Variants in LTK observed in about 807,000 individuals in gnomAD.
The protein encoded by LTK is leukocyte tyrosine kinase receptor.
A neutral mutation model predicts 101.5 loss-of-function variants in LTK; 117 were observed. That is an observed-to-expected ratio of 1.15 (90% CI 0.99 to 1.34). LTK has a LOEUF of 1.34. LTK is among the 40% of genes most tolerant of loss of function. The probability of loss-of-function intolerance (pLI) is 0.00; values close to 1 mark genes in which losing one functional copy is unlikely to be tolerated. For synonymous variants in LTK, 563 were observed against 494.2 expected, an observed-to-expected ratio of 1.14 and a Z score of -1.85; for missense variants, 1,252 against 1,164.7, an observed-to-expected ratio of 1.07 and a Z score of -1.09.
rs548186466 is a variant in LTK, at chr15:41,507,448, G to A, written c.1345+114C>T. On this transcript the variant is annotated intron_variant, in intron 10 of 19. Coordinates refer to ENST00000263800, the MANE Select transcript of LTK (RefSeq NM_002344.6). ...TTAGAATCCCAGAGGAGTCTACCACGGCTCTGCTGCGGTGAGTGGTCTTGA... is the reference window on the plus strand; with the variant it reads ...TTAGAATCCCAGAGGAGTCTACCACAGCTCTGCTGCGGTGAGTGGTCTTGA... 127 of 1,548,288 alleles carry A rather than the reference G, an allele frequency of 8.2e-5. No individual in the cohort carries two copies. In the African/African-American group the frequency reaches 1.4e-3, roughly 17 times the overall value.
intron 10 of LTK, 39 bp from the exon 11 acceptor site, chr15:41,507,329 C>G: frequency 6.5e-7 from 1 of 1,547,906 alleles, no homozygotes; most frequent in Non-Finnish European, 8.7e-7. Context: ...CTCCACCTGC[C>G]CATCAACTCT....
chr15:41,511,888 C>G lies in LTK; in HGVS notation c.586G>C (p.Glu196Gln). 6.8e-7 allele frequency: 1 copy of G among 1,461,392 alleles called. No homozygotes were observed. The highest frequency in any genetic ancestry group is 9.0e-7 in the Non-Finnish European group (1 of 1,116,636). 90.5% of individuals were successfully genotyped at this position (1,461,392 alleles called of 1,614,324 possible). A position where few individuals can be genotyped will look rare whatever the true frequency, so the allele number is the denominator to read the frequency against. ...VEEHAAMDGSEGVPGSRRWAG... is the reference protein window; with the variant it reads ...VEEHAAMDGSQGVPGSRRWAG... ...CAGCGCCGCGACCCCGGGACCCCTT[C>G]GCTCCCATCCATCGCCGCGTGCTCT... The change falls in exon 5 of 20, where the codon GAA becomes CAA. Residue 196 changes from glutamate (E) to glutamine (Q), a missense_variant. By Grantham distance (29) the Glu-to-Gln change is conservative (BLOSUM62 2). Coordinates refer to ENST00000263800, the MANE Select transcript of LTK (RefSeq NM_002344.6). The surrounding 1 kb of genome is among the most constrained non-coding windows in gnomAD (Gnocchi z 5.9).
In LTK at chr15:41,511,443, C is replaced by A; in HGVS notation, c.793G>T (p.Gly265Cys). 1 of 1,407,456 alleles carries A rather than the reference C, an allele frequency of 7.1e-7. No individual in the cohort carries two copies. The highest frequency in any genetic ancestry group is 1.6e-5 in the South Asian group (1 of 63,898). The allele number at this position is 1,407,456 out of a possible 1,614,324, so 87.2% of individuals were successfully genotyped here. A position where few individuals can be genotyped will look rare whatever the true frequency, so the allele number is the denominator to read the frequency against. Residue 265 changes from glycine (G) to cysteine (C), a missense_variant, in exon 6 of 20, where the codon GGC (glycine) becomes TGC (cysteine). By Grantham distance (159) the Gly-to-Cys change is radical. Transcript: ENST00000263800. This position sits in a 1 kb window ranked among gnomAD's most constrained non-coding sequence, Gnocchi z 5.9. The part of the protein sequence containing the change: ...LENRSEAPGS[G>C]GRGGAAGGGG... Reference sequence around the variant, plus strand: ...TCACCTGCCGCCCCGCCTCTCCCGCCGCTCCCGGGCGCCTCCGAGCGGTTC... The same window carrying A: ...TCACCTGCCGCCCCGCCTCTCCCGCAGCTCCCGGGCGCCTCCGAGCGGTTC...
rs774104261 is a variant in LTK at position 41,507,221 on chromosome 15, A to C, written c.1415T>G (p.Leu472Arg). ...GGCTGTCCTGATGGCAGAGGTTCGA[A>C]GCTTGCTCAGCTCAAGCTCAGGGCT... Reference protein sequence around the residue: ...LPSPELELSKLRTSAIRTAPN... With the variant: ...LPSPELELSKRRTSAIRTAPN... Residue 472 changes from leucine to arginine, a missense_variant, in exon 11 of 20, where the codon CTT (leucine) becomes CGT (arginine). By Grantham distance (102) the Leu-to-Arg change is moderately radical. Coordinates refer to ENST00000263800, the MANE Select transcript of LTK (RefSeq NM_002344.6). The C allele has an allele frequency of 1.2e-6, 2 of 1,613,356 alleles. No homozygotes were observed. Among genetic ancestry groups the C allele is most frequent in the Non-Finnish European group, 1.7e-6 (2 of 1,179,822 alleles).
At chr15:41,505,610 C>T (rs1208727869) in intron 13 of LTK, 80 bp from the exon 14 acceptor site, 26 of 1,605,368 alleles carry the variant, frequency 1.6e-5, no homozygotes, top group Non-Finnish European at 2.1e-5. Context: ...CTGGAGAGGC[C>T]CTCTGTGTCC....
Position 41,504,635 on chromosome 15 carries a change from A to G in LTK, c.2126T>C (p.Phe709Ser), listed in dbSNP as rs148593397. The G allele has an allele frequency of 2.5e-6, 4 of 1,612,698 alleles. No homozygotes were observed. Among genetic ancestry groups the G allele is most frequent in the South Asian group, 2.2e-5 (2 of 91,026 alleles). ...GAAGATCTCCCAGAGCAGCACCCCAAAAGACCTGCATCACAAGTGGGGGAA... is the reference window on the plus strand; with the variant it reads ...GAAGATCTCCCAGAGCAGCACCCCAGAAGACCTGCATCACAAGTGGGGGAA... Reference protein sequence around the residue: ...IFTSKTDSWSFGVLLWEIFSL... With the variant: ...IFTSKTDSWSSGVLLWEIFSL... The change falls in exon 18 of 20, where the codon TTT (phenylalanine) becomes TCT (serine). Residue 709 changes from phenylalanine (F) to serine (S), a missense_variant. Transcript: ENST00000263800.
At chr15:41,512,320 G>T in intron 3 of LTK, 55 bp from the exon 4 acceptor site, 1 of 1,567,134 alleles carries the variant, frequency 6.4e-7, no homozygotes, top group Non-Finnish European at 8.6e-7. Context: ...CGGCCGCTCC[G>T]GGCAGAAGTT....
chr15:41,505,522 C>G lies in LTK; in HGVS notation c.1706G>C (p.Arg569Pro). The G allele has an allele frequency of 1.2e-6, 2 of 1,613,798 alleles. No homozygotes were observed. The highest frequency in any genetic ancestry group is 1.7e-6 in the Non-Finnish European group (2 of 1,179,934). Reference protein sequence around the residue: ...LMEALIISKFRHQNIVRCVGL... With the variant: ...LMEALIISKFPHQNIVRCVGL... Reference sequence around the variant, plus strand: ...CACACACCGCACAATGTTCTGATGGCGAAACTTGCTGAGTGGGGTGGGGGA... The same window carrying G: ...CACACACCGCACAATGTTCTGATGGGGAAACTTGCTGAGTGGGGTGGGGGA... The change falls in exon 14 of 20, where the codon CGC becomes CCC. Residue 569 changes from arginine to proline, a missense_variant. Transcript: ENST00000263800.
At chr15:41,505,807 C>A (rs770284907) in intron 12 of LTK, 30 bp from the exon 13 acceptor site, 4 of 1,610,854 alleles carry the variant, frequency 2.5e-6, no homozygotes, top group Admixed American at 3.3e-5. Context: ...AGTTTCTGAG[C>A]TGCCCTGCAC....
chr15:41,507,356 C>A, intron 10 of LTK, 66 bp from the exon 11 acceptor site: 1 of 1,487,546 alleles, frequency 6.7e-7, no homozygotes. Flanking sequence ...CCCACCTGCC[C>A]AGGACACCCC....
chr15:41,507,157 G>C lies in LTK; in HGVS notation c.1479C>G (p.Ala493=). The C allele has an allele frequency of 1.2e-6, 2 of 1,613,836 alleles. No homozygotes were observed. Among genetic ancestry groups the C allele is most frequent in the Non-Finnish European group, 1.7e-6 (2 of 1,179,950 alleles). The change falls in exon 11 of 20, where the codon GCC becomes GCG. Residue 493 remains alanine (A), a synonymous_variant. Transcript: ENST00000263800. ...CACCTGGTGGCAGAGGCCAGGACTG[G>C]GCCGGGCCAAGCCCCACCTGGCAAT... ...PYYCQVGLGP[A]QSWPLPPGVT... is the part of the protein sequence containing the mutation.
At position 41,511,849 on chromosome 15, in the gene LTK, C is replaced by G; in HGVS notation, c.625G>C (p.Gly209Arg). 1.4e-6 allele frequency: 2 copies of G among 1,466,778 alleles called. No homozygotes were observed. The highest frequency in any genetic ancestry group is 2.8e-5 in the East Asian group (1 of 35,802). 90.9% of individuals were successfully genotyped at this position (1,466,778 alleles called of 1,614,324 possible). Reference protein sequence around the residue: ...PGSRRWAGGGGGGGGATYVFR... With the variant: ...PGSRRWAGGGRGGGGATYVFR... ...ACGTAGGTGGCGCCCCCGCCACCCC[C>G]GCCACCTCCCGCCCAGCGCCGCGAC... Residue 209 changes from glycine (G) to arginine (R), a missense_variant, in exon 5 of 20, where the codon GGG becomes CGG. Gly to Arg is a moderately radical substitution (Grantham distance 125, BLOSUM62 -2). Transcript: ENST00000263800. The surrounding 1 kb of genome is among the most constrained non-coding windows in gnomAD (Gnocchi z 5.9).
intron 11 of LTK, among the ~76,000 whole-genome samples, chr15:41,506,469 T>C (rs929302888): frequency 2.0e-5 from 3 of 152,000 alleles, no homozygotes; most frequent in Non-Finnish European, 2.9e-5. Flanking sequence ...AACGCCCAGC[T>C]ATTTTTTGTG....
chr15:41,504,408 C>T lies in LTK; in HGVS notation c.2280G>A (p.Trp760Ter). ...TAGGGCGGAGCTCAGGCTCGTGCTG[C>T]CAACACTGGGTCATGATGCGGTACC... Reference protein sequence around the residue: ...GPVYRIMTQCWQHEPELRPSF... With the variant: ...GPVYRIMTQC The change falls in exon 19 of 20, where the codon TGG becomes TGA. Residue 760 changes from tryptophan to a stop codon, truncating the protein, a stop_gained. Transcript: ENST00000263800. LOFTEE classifies it high-confidence loss of function. 1.2e-6 allele frequency: 2 copies of T among 1,614,172 alleles called. No individual in the cohort carries two copies. The highest frequency in any genetic ancestry group is 1.7e-6 in the Non-Finnish European group (2 of 1,180,014).
In LTK at chr15:41,508,564, AAAATAAATAAAT is replaced by A. The variant is rs141710966; in HGVS notation, c.1097-355_1097-344del. 1.1e-3 allele frequency among the ~76,000 whole-genome samples: 167 copies of A among 145,664 alleles called. 1 individual carries two copies. The highest frequency in any genetic ancestry group is 3.4e-3 in the Middle Eastern group (1 of 292). On this transcript the variant is annotated intron_variant, in intron 8 of 19. Coordinates refer to ENST00000263800, the MANE Select transcript of LTK (RefSeq NM_002344.6). ...AGAGCGAGACTCTGTCTCAAAAATA[AAAATAAATAAAT>A]AAATAAATAAATAAATAAATAAATA... is the stretch of plus-strand genomic sequence containing the variant.
In LTK at chr15:41,512,132, C is replaced by T. The variant is rs760491521; in HGVS notation, c.493G>A (p.Glu165Lys). The T allele has an allele frequency of 1.9e-6, 3 of 1,610,660 alleles. No individual in the cohort carries two copies. The highest frequency in any genetic ancestry group is 1.7e-5 in the Admixed American group (1 of 59,726). Reference sequence around the variant, plus strand: ...GCGCTCACTCCGGGACAGGCGTCCTCTCCCTGCTGCCCCACCAGGATGTAC... The same window carrying T: ...GCGCTCACTCCGGGACAGGCGTCCTTTCCCTGCTGCCCCACCAGGATGTAC... ...SLYILVGQQG[E>K]DACPGGSPES... Residue 165 changes from glutamate (E) to lysine (K), a missense_variant, in exon 4 of 20, where the codon GAG (glutamate) becomes AAG (lysine). Physicochemically the swap from Glu to Lys is moderately conservative, Grantham distance 56. Coordinates refer to ENST00000263800, the MANE Select transcript of LTK (RefSeq NM_002344.6).
rs747851535 is a variant in LTK at position 41,504,861 on chromosome 15, G to A, written c.2032C>T (p.Arg678Cys). 1.6e-5 allele frequency: 26 copies of A among 1,612,650 alleles called. No homozygotes were observed. The highest frequency in any genetic ancestry group is 4.0e-5 in the African/African-American group (3 of 74,888). ...ARDIYRASYY[R>C]RGDRALLPVK... ...GGGAGCAAGGCCCGGTCCCCCCTGC[G>A]GTAATAACTGGCCCTACAGGAGGGA... is the stretch of plus-strand genomic sequence containing the variant. The change falls in exon 17 of 20, where the codon CGC becomes TGC. Residue 678 changes from arginine to cysteine, a missense_variant. Transcript: ENST00000263800.
chr15:41,505,292 G>A lies in LTK; in HGVS notation c.1841C>T (p.Pro614Leu), dbSNP rs1224206819. 4.3e-6 allele frequency: 7 copies of A among 1,613,890 alleles called. No individual in the cohort carries two copies. The highest frequency in any genetic ancestry group is 5.1e-6 in the Non-Finnish European group (6 of 1,179,976). Residue 614 changes from proline (P) to leucine (L), a missense_variant, in exon 15 of 20, where the codon CCT becomes CTT. Transcript: ENST00000263800. ...TTGCAGCAGGTCCCGCATGACCAGAGGTGATGGCTGGCCCTGGGTCAGGCA... is the reference window on the plus strand; with the variant it reads ...TTGCAGCAGGTCCCGCATGACCAGAAGTGATGGCTGGCCCTGGGTCAGGCA... ...HSRPHLGQPSPLVMRDLLQLA... is the reference protein window; with the variant it reads ...HSRPHLGQPSLLVMRDLLQLA...
At position 41,503,641 on chromosome 15, in the gene LTK, G is replaced by A; in HGVS notation, c.*355C>T. 1.7e-6 allele frequency: 1 copy of A among 583,024 alleles called. No individual in the cohort carries two copies. The allele number at this position is 583,024 out of a possible 1,614,324, so 36.1% of individuals were successfully genotyped here. ...TCCCTGGCATCCACAGATCGCTGGA[G>A]GATGAGAAGAGCTTTTTATTAGAAG... On this transcript the variant is annotated 3_prime_UTR_variant, in exon 20 of 20. Transcript: ENST00000263800.
Sources: gnomAD v4.1 joint callset for allele counts (sites outside exome capture counted in the v4.1 genomes callset) on GRCh38, gnomAD v4.1.1 for gene constraint, Gnocchi (gnomAD v3.1) non-coding constraint, MANE v1.5 for transcripts, NCBI Gene and HGNC (gene_info 2026-07-23, HGNC 2026-07-21) for gene names.